WDR33: variants seen among roughly 807,000 people sequenced by gnomAD.
The protein encoded by WDR33 is pre-mRNA 3' end processing protein WDR33.
In WDR33, 47 loss-of-function variants were observed where a neutral mutation model predicts 164.9. The observed-to-expected ratio is 0.29, with a 90% CI of 0.23 to 0.36. The LOEUF is 0.36. WDR33 is among the 10% of genes least tolerant of loss of function. WDR33 has a pLI of 1.00. For missense variants in WDR33, 1,137 were observed against 1,754.1 expected (o/e 0.65, Z 6.28); for synonymous variants, 505 against 589.0 (o/e 0.86, Z 2.06).
chr2:127,786,907 G>A (rs1352017557), intron 1 of WDR33, among the ~76,000 whole-genome samples: 8 of 126,354 alleles, frequency 6.3e-5, no homozygotes, highest in African/African-American at 2.4e-4. Flanking sequence ...TCTCACAGAG[G>A]GGGATTTGGC....
At position 127,701,750 on chromosome 2, in the gene WDR33, G is replaced by C. The variant is rs767016124; in HGVS notation, c.*4573C>G. On this transcript the variant is annotated 3_prime_UTR_variant, in exon 22 of 22. Coordinates refer to ENST00000322313, the MANE Select transcript of WDR33 (RefSeq NM_018383.5). ...CGTGCCTCCCGAGCGTGACGCGCGG[G>C]CAGCGGCTGGCGGCGGGCGGCGGGT... The C allele has an allele frequency of 7.1e-7, 1 of 1,416,870 alleles. No homozygotes were observed. The highest frequency in any genetic ancestry group is 1.4e-5 in the South Asian group (1 of 71,778). The allele number at this position is 1,416,870 out of a possible 1,614,324, so 87.8% of individuals were successfully genotyped here. A position where few individuals can be genotyped will look rare whatever the true frequency, so the allele number is the denominator to read the frequency against.
chr2:127,761,506 GAATT>G (rs1025158034), intron 7 of WDR33, among the ~76,000 whole-genome samples: 2 of 152,110 alleles, frequency 1.3e-5, no homozygotes. Context: ...AGCTACTCTA[GAATT>G]ACTTTTAATA....
intron 1 of WDR33, 117 bp from the exon 2 acceptor site, chr2:127,771,121 C>T: frequency 1.3e-6 from 1 of 789,084 alleles, no homozygotes. Context: ...GCATCATTTC[C>T]ACTTACACAA....
rs1686307280 is a variant in WDR33 at position 127,716,563 on chromosome 2, T to C, written c.2869+592A>G. 1.3e-5 allele frequency among the ~76,000 whole-genome samples: 2 copies of C among 152,242 alleles called. No individual in the cohort carries two copies. Among genetic ancestry groups the C allele is most frequent in the South Asian group, 4.1e-4 (2 of 4,838 alleles). On this transcript the variant is annotated intron_variant, in intron 17 of 21. Coordinates refer to ENST00000322313, the MANE Select transcript of WDR33 (RefSeq NM_018383.5). The surrounding 1 kb of genome is among the most constrained non-coding windows in gnomAD (Gnocchi z 4.5). ...GGGGTCCCACCCATCTCAGGGGCCATGGTGCCCTGCGTGCTCTCCTTCAAC... is the reference window on the plus strand; with the variant it reads ...GGGGTCCCACCCATCTCAGGGGCCACGGTGCCCTGCGTGCTCTCCTTCAAC...
In WDR33 at chr2:127,742,404, G is replaced by A. The variant is rs533606332; in HGVS notation, c.725-15627C>T. On this transcript the variant is annotated intron_variant, in intron 7 of 21. Transcript: ENST00000322313. ...TAGCTATGCATGGTGGCTCACACCT[G>A]TAGTTCCAGCTACCAAGGAAACAGA... Among the ~76,000 whole-genome samples, 32 of 151,450 alleles carry A rather than the reference G, an allele frequency of 2.1e-4. No individual in the cohort carries two copies. The South Asian group carries it at 5.2e-3, about 25-fold the overall frequency.
intron 7 of WDR33, among the ~76,000 whole-genome samples, chr2:127,739,490 C>G (rs896282480): frequency 6.6e-6 from 1 of 152,198 alleles, no homozygotes; most frequent in African/African-American, 2.4e-5. Context: ...TACATAATGG[C>G]TAATAGTAAA....
chr2:127,789,667 T>G (rs1463656856), intron 1 of WDR33, among the ~76,000 whole-genome samples: 1 of 151,786 alleles, frequency 6.6e-6, no homozygotes, highest in Non-Finnish European at 1.5e-5. Context: ...GCTCCGCATC[T>G]TCCTTTCTGT....
rs1212280387 is a variant in WDR33 at position 127,708,486 on chromosome 2, C to T, written c.3781+191G>A. ...AAAACCTCAAGTGAACAGGGATTCC[C>T]GGAGGCAAGTGGAGTCCTGTGCAGG... On this transcript the variant is annotated intron_variant, in intron 21 of 21. Transcript: ENST00000322313. The surrounding 1 kb of genome is among the most constrained non-coding windows in gnomAD (Gnocchi z 6.7). Among the ~76,000 whole-genome samples the T allele has an allele frequency of 6.6e-6, 1 of 152,228 alleles. No individual in the cohort carries two copies. The highest frequency in any genetic ancestry group is 1.5e-5 in the Non-Finnish European group (1 of 68,038).
chr2:127,771,477 T>C lies in WDR33; in HGVS notation c.-23-473A>G, dbSNP rs116136855. ...GTCCAGCATTGACCACAATGTCATTTTGTGGTGCATGACTATATTAGATCA... is the reference window on the plus strand; with the variant it reads ...GTCCAGCATTGACCACAATGTCATTCTGTGGTGCATGACTATATTAGATCA... On this transcript the variant is annotated intron_variant, in intron 1 of 21. Coordinates refer to ENST00000322313, the MANE Select transcript of WDR33 (RefSeq NM_018383.5). Among the ~76,000 whole-genome samples, 861 of 152,312 alleles carry C rather than the reference T, an allele frequency of 5.7e-3. 13 individuals are homozygous for C. The highest frequency in any genetic ancestry group is 0.019 in the African/African-American group (806 of 41,562).
chr2:127,732,997 ATGT>A (rs1440305163), intron 7 of WDR33, among the ~76,000 whole-genome samples: 1 of 152,178 alleles, frequency 6.6e-6, no homozygotes, highest in East Asian at 1.9e-4. Flanking sequence ...AATTCCAAGA[ATGT>A]AGTGTTTGTA....
chr2:127,744,600 T>C (rs1332822438), intron 7 of WDR33, among the ~76,000 whole-genome samples: 3 of 152,200 alleles, frequency 2.0e-5, no homozygotes, highest in Admixed American at 6.5e-5. Context: ...GGATGTGAAA[T>C]TGGGAAATAA....
chr2:127,799,118 A>T (rs1689147857), intron 1 of WDR33: 1 of 152,168 alleles, frequency 6.6e-6, no homozygotes, highest in Non-Finnish European at 1.5e-5. Context: ...CAAATGAGAA[A>T]AATCAGTTGC....
At chr2:127,743,555 C>T (rs1573907085) in intron 7 of WDR33, among the ~76,000 whole-genome samples, 1 of 151,756 alleles carries the variant, frequency 6.6e-6, no homozygotes, top group African/African-American at 2.4e-5. Flanking sequence ...ATGAAGAAAA[C>T]AAAAGTAGCC....
Position 127,718,771 on chromosome 2 carries a change from T to C in WDR33, c.2760+494A>G, listed in dbSNP as rs1206078152. 2.0e-5 allele frequency among the ~76,000 whole-genome samples: 3 copies of C among 152,208 alleles called. No individual in the cohort carries two copies. Among genetic ancestry groups the C allele is most frequent in the Non-Finnish European group, 4.4e-5 (3 of 68,040 alleles). On this transcript the variant is annotated intron_variant, in intron 16 of 21. Transcript: ENST00000322313. This position sits in a 1 kb window ranked among gnomAD's most constrained non-coding sequence, Gnocchi z 4.4. Reference sequence around the variant, plus strand: ...ACAGAGTGAGGTACAGAGTCTATAGTATACTCATGAGTTAAATATCCCATC... The same window carrying C: ...ACAGAGTGAGGTACAGAGTCTATAGCATACTCATGAGTTAAATATCCCATC...
chr2:127,762,689 G>A (rs1687713177), intron 7 of WDR33: 1 of 1,020,022 alleles, frequency 9.8e-7, no homozygotes, highest in Non-Finnish European at 1.2e-6. Context: ...AATTCATATT[G>A]TAAAAGGACT....
intron 1 of WDR33, among the ~76,000 whole-genome samples, chr2:127,778,187 G>A (rs900925585): frequency 6.6e-6 from 1 of 152,066 alleles, no homozygotes; most frequent in African/African-American, 2.4e-5. Context: ...TGTAATCCCA[G>A]CACTTTGGGA....
At chr2:127,754,601 T>C (rs1042618173) in intron 7 of WDR33, among the ~76,000 whole-genome samples, 3 of 151,242 alleles carry the variant, frequency 2.0e-5, no homozygotes, top group African/African-American at 7.3e-5. Flanking sequence ...TTTTTTTTTT[T>C]TTGTAGAAAC....
chr2:127,768,980 G>C lies in WDR33; in HGVS notation c.226C>G (p.Gln76Glu), dbSNP rs754466064. 12 of 1,577,380 alleles carry C rather than the reference G, an allele frequency of 7.6e-6. No homozygotes were observed. Among genetic ancestry groups the C allele is most frequent in the Non-Finnish European group, 1.0e-5 (12 of 1,163,578 alleles). ...YLENRIWQRD[Q>E]RDMRAIQPDA... ...GGCTGAATTGCCCGCATATCTCTCTGGTCTCTTTGCCATATTCTGTTCTGT... is the reference window on the plus strand; with the variant it reads ...GGCTGAATTGCCCGCATATCTCTCTCGTCTCTTTGCCATATTCTGTTCTGT... Residue 76 changes from glutamine to glutamate, a missense_variant, in exon 3 of 22, where the codon CAG (glutamine) becomes GAG (glutamate). Transcript: ENST00000322313.
At chr2:127,754,613 G>C in intron 7 of WDR33, among the ~76,000 whole-genome samples, 1 of 140,362 alleles carries the variant, frequency 7.1e-6, no homozygotes, top group Non-Finnish European at 1.5e-5. Context: ...TGTAGAAACA[G>C]GGTCTCACTT....
Sources: gnomAD v4.1 joint callset for allele counts (sites outside exome capture counted in the v4.1 genomes callset) on GRCh38, gnomAD v4.1.1 for gene constraint, Gnocchi (gnomAD v3.1) non-coding constraint, MANE v1.5 for transcripts, NCBI Gene and HGNC (gene_info 2026-07-23, HGNC 2026-07-21) for gene names.